The following DNAAF3 variants were observed in gnomAD, a reference collection of about 807,000 sequenced individuals.
The protein encoded by DNAAF3 is UPF0470 protein C19orf51.
Under a neutral mutation model 50.9 loss-of-function variants are expected in DNAAF3, and 40 were observed. The observed-to-expected ratio is 0.79, with a 90% CI of 0.61 to 1.02. The LOEUF (loss-of-function observed/expected upper bound fraction) is 1.02. Among genes scored for constraint, DNAAF3 ranks in the 50% least tolerant of loss-of-function variants. The pLI, the probability that DNAAF3 is intolerant of heterozygous loss-of-function variation, is 0.00. For missense variants in DNAAF3, 763 were observed against 744.7 expected (o/e 1.02, Z -0.29); for synonymous variants, 327 against 322.8 (o/e 1.01, Z -0.14).
Position 55,160,663 on chromosome 19 carries a change from C to A in DNAAF3, c.1025G>T (p.Gly342Val), listed in dbSNP as rs1212438723. ...GDLEEQQHAE[G>V]SPEPGTPAAP... is the part of the protein sequence containing the mutation. The stretch of plus-strand genomic sequence containing the variant: ...ACCTGGAGTCCCTGGCTCCGGGCTT[C>A]CCTCCGCGTGCTGCTGCTCCTCCAG... Residue 342 changes from glycine (G) to valine (V), a missense_variant, in exon 9 of 12, where the codon GGA becomes GTA. By Grantham distance (109) the Gly-to-Val change is moderately radical. Transcript: ENST00000524407. This position sits in a 1 kb window ranked among gnomAD's most constrained non-coding sequence, Gnocchi z 4.7. The A allele has an allele frequency of 6.2e-7, 1 of 1,613,914 alleles. No individual in the cohort carries two copies. The highest frequency in any genetic ancestry group is 1.1e-5 in the South Asian group (1 of 91,088).
Position 55,160,853 on chromosome 19 carries a change from C to T in DNAAF3, c.913-78G>A. ...GCTTAGAACGCTGGGAGTCCTCGGT[C>T]CAGGACTAGAACTCCCGCAGCTGCT... On this transcript the variant is annotated intron_variant, in intron 8 of 11. Coordinates refer to ENST00000524407, the MANE Select transcript of DNAAF3 (RefSeq NM_001256715.2). The surrounding 1 kb of genome is among the most constrained non-coding windows in gnomAD (Gnocchi z 4.7). The T allele has an allele frequency of 6.5e-7, 1 of 1,536,550 alleles. No homozygotes were observed. The highest frequency in any genetic ancestry group is 8.7e-7 in the Non-Finnish European group (1 of 1,151,180).
At chr19:55,162,631 G>T in intron 4 of DNAAF3, 1 of 1,000,602 alleles carries the variant, frequency 1.0e-6, no homozygotes, top group African/African-American at 1.7e-5. Context: ...AATTAGAGTT[G>T]CAGATTCCAC....
chr19:55,162,482 G>A, intron 4 of DNAAF3, 192 bp from the exon 5 acceptor site: 1 of 831,798 alleles, frequency 1.2e-6, no homozygotes, highest in East Asian at 3.6e-5. Flanking sequence ...AGTTACTCGG[G>A]AGGCTGAGGC....
rs201937522 is a variant in DNAAF3 at position 55,161,315 on chromosome 19, G to C, written c.767C>G (p.Ala256Gly). ...SAYHVPNRTL[A>G]SGRLLSYRGE... is the part of the protein sequence containing the mutation. ...CACGTAGCTCAGGAGGCGACCGGAC[G>C]CCAGGGTCCGGTTGGGCACATGATA... Residue 256 changes from alanine (A) to glycine (G), a missense_variant, in exon 7 of 12, where the codon GCG becomes GGG. Transcript: ENST00000524407. This position sits in a 1 kb window ranked among gnomAD's most constrained non-coding sequence, Gnocchi z 6.4. 2.6e-4 allele frequency: 417 copies of C among 1,610,624 alleles called. No homozygotes were observed. The highest frequency in any genetic ancestry group is 3.1e-4 in the Non-Finnish European group (368 of 1,178,440).
chr19:55,165,860 T>C lies in DNAAF3; in HGVS notation c.226A>G (p.Asn76Asp), dbSNP rs781229951. Reference sequence around the variant, plus strand: ...CTCTCATCTTCATCCCAGCTCACGTTGAACCTCCTGCGAGGCCAGAACTTC... The same window carrying C: ...CTCTCATCTTCATCCCAGCTCACGTCGAACCTCCTGCGAGGCCAGAACTTC... The part of the protein sequence containing the change: ...RAKFWPRRRF[N>D]FFVLENNLEA... Residue 76 changes from asparagine (N) to aspartate (D), a missense_variant and splice_region_variant, in exon 3 of 12, where the codon AAC (asparagine) becomes GAC (aspartate). Asn to Asp is a conservative substitution (Grantham distance 23). Coordinates refer to ENST00000524407, the MANE Select transcript of DNAAF3 (RefSeq NM_001256715.2). 1 of 1,613,960 alleles carries C rather than the reference T, an allele frequency of 6.2e-7. No homozygotes were observed. The highest frequency in any genetic ancestry group is 1.6e-4 in the Middle Eastern group (1 of 6,062).
At position 55,166,066 on chromosome 19, in the gene DNAAF3, A is replaced by T. The variant is rs770246037; in HGVS notation, c.86-66T>A. 13 of 1,612,858 alleles carry T rather than the reference A, an allele frequency of 8.1e-6. No individual in the cohort carries two copies. Among genetic ancestry groups the T allele is most frequent in the Non-Finnish European group, 1.1e-5 (13 of 1,179,582 alleles). On this transcript the variant is annotated intron_variant, in intron 2 of 11. Transcript: ENST00000524407. This position sits in a 1 kb window ranked among gnomAD's most constrained non-coding sequence, Gnocchi z 4.0. Reference sequence around the variant, plus strand: ...CAGAGCGTCCACCGTAGCATCCCCTATAAAAAATGGACTACAAATCCCAGT... The same window carrying T: ...CAGAGCGTCCACCGTAGCATCCCCTTTAAAAAATGGACTACAAATCCCAGT...
In DNAAF3 at chr19:55,161,401, G is replaced by A. The variant is rs764852012; in HGVS notation, c.681C>T (p.Pro227=). ...LHDRGAQVIH[P]QEFRRWRDTG... The stretch of plus-strand genomic sequence containing the variant: ...TGTCCCGCCAGCGTCGGAACTCCTG[G>A]GGGTGAATGACTTGAGCCTGGGGTG... Residue 227 remains proline, a synonymous_variant, in exon 7 of 12, where the codon CCC becomes CCT. Coordinates refer to ENST00000524407, the MANE Select transcript of DNAAF3 (RefSeq NM_001256715.2). The surrounding 1 kb of genome is among the most constrained non-coding windows in gnomAD (Gnocchi z 6.4). 2.8e-5 allele frequency: 36 copies of A among 1,295,812 alleles called. No individual in the cohort carries two copies. The African/African-American group carries it at 5.5e-4, about 20-fold the overall frequency. The allele number at this position is 1,295,812 out of a possible 1,614,324, so 80.3% of individuals were successfully genotyped here.
At chr19:55,163,470 C>G (rs1000249252) in intron 4 of DNAAF3, among the ~76,000 whole-genome samples, 2 of 151,426 alleles carry the variant, frequency 1.3e-5, no homozygotes, top group African/African-American at 4.8e-5. Context: ...TATTTTATTT[C>G]TTGTAGAGAC....
rs918004112 is a variant in DNAAF3, at chr19:55,165,235, G to A, written c.322+135C>T. 7 of 818,070 alleles carry A rather than the reference G, an allele frequency of 8.6e-6. No homozygotes were observed. In the African/African-American group the frequency reaches 1.0e-4, roughly 12 times the overall value. The allele number at this position is 818,070 out of a possible 1,614,324, so 50.7% of individuals were successfully genotyped here. On this transcript the variant is annotated intron_variant, in intron 4 of 11. Transcript: ENST00000524407. Reference sequence around the variant, plus strand: ...GTTGCCTAGGCTGGAGTGCAATGGCGCGATCTCGGCTCACTGTAACCTCCG... The same window carrying A: ...GTTGCCTAGGCTGGAGTGCAATGGCACGATCTCGGCTCACTGTAACCTCCG...
At position 55,166,272 on chromosome 19, in the gene DNAAF3, C is replaced by T. The variant is rs892144092; in HGVS notation, c.85+57G>A. ...GCTGGGACTACGAGCTCTAAAAGGCCGTCTGCTCAGGCTGGGAAGGCAGAC... is the reference window on the plus strand; with the variant it reads ...GCTGGGACTACGAGCTCTAAAAGGCTGTCTGCTCAGGCTGGGAAGGCAGAC... On this transcript the variant is annotated intron_variant, in intron 2 of 11. Coordinates refer to ENST00000524407, the MANE Select transcript of DNAAF3 (RefSeq NM_001256715.2). The surrounding 1 kb of genome is among the most constrained non-coding windows in gnomAD (Gnocchi z 4.0). The T allele has an allele frequency of 6.9e-6, 11 of 1,590,642 alleles. No individual in the cohort carries two copies. Among genetic ancestry groups the T allele is most frequent in the African/African-American group, 6.7e-5 (5 of 74,250 alleles).
In DNAAF3 at chr19:55,158,782, G is replaced by T; in HGVS notation, c.*280C>A. On this transcript the variant is annotated 3_prime_UTR_variant, in exon 12 of 12. Transcript: ENST00000524407. ...GGGAACAAGGGGGCCAAAGTCAAGG[G>T]CCTGAGACTCAGTGTCAGATCCTAG... The T allele has an allele frequency of 3.0e-6, 1 of 334,540 alleles. No individual in the cohort carries two copies. The highest frequency in any genetic ancestry group is 5.5e-6 in the Non-Finnish European group (1 of 183,438). 20.7% of individuals were successfully genotyped at this position (334,540 alleles called of 1,614,324 possible).
rs955531728 is a variant in DNAAF3 at position 55,166,187 on chromosome 19, G to A, written c.85+142C>T. On this transcript the variant is annotated intron_variant, in intron 2 of 11. Transcript: ENST00000524407. The surrounding 1 kb of genome is among the most constrained non-coding windows in gnomAD (Gnocchi z 4.0). ...CAGACAGGACCTCGGGGCTGCCCCT[G>A]GGAGCGCGCCCTCTGCCGCTGGAGC... 1.3e-6 allele frequency: 2 copies of A among 1,548,284 alleles called. No individual in the cohort carries two copies. Among genetic ancestry groups the A allele is most frequent in the African/African-American group, 1.4e-5 (1 of 73,006 alleles).
intron 4 of DNAAF3, among the ~76,000 whole-genome samples, chr19:55,164,555 G>T (rs1164961896): frequency 6.6e-6 from 1 of 151,408 alleles, no homozygotes; most frequent in Non-Finnish European, 1.5e-5. Flanking sequence ...TGGAGGTTTT[G>T]CTTTTGTCGC....
At position 55,159,056 on chromosome 19, in the gene DNAAF3, G is replaced by C; in HGVS notation, c.*6C>G. Reference sequence around the variant, plus strand: ...AGTTGGAGATAAGGGGTGTCTAGGGGTTGGGTCAGACTCCAGTTTTGGAGT... The same window carrying C: ...AGTTGGAGATAAGGGGTGTCTAGGGCTTGGGTCAGACTCCAGTTTTGGAGT... On this transcript the variant is annotated 3_prime_UTR_variant, in exon 12 of 12. Coordinates refer to ENST00000524407, the MANE Select transcript of DNAAF3 (RefSeq NM_001256715.2). 1 of 1,576,090 alleles carries C rather than the reference G, an allele frequency of 6.3e-7. No individual in the cohort carries two copies. The highest frequency in any genetic ancestry group is 8.6e-7 in the Non-Finnish European group (1 of 1,160,404).
At position 55,166,167 on chromosome 19, in the gene DNAAF3, A is replaced by T; in HGVS notation, c.85+162T>A. On this transcript the variant is annotated intron_variant, in intron 2 of 11. Coordinates refer to ENST00000524407, the MANE Select transcript of DNAAF3 (RefSeq NM_001256715.2). This position sits in a 1 kb window ranked among gnomAD's most constrained non-coding sequence, Gnocchi z 4.0. ...ATTCTGGGATTCGCAGTCCGCAGAC[A>T]GGACCTCGGGGCTGCCCCTGGGAGC... 6.4e-7 allele frequency: 1 copy of T among 1,550,686 alleles called. No homozygotes were observed. Among genetic ancestry groups the T allele is most frequent in the African/African-American group, 1.4e-5 (1 of 73,214 alleles).
intron 10 of DNAAF3, 92 bp from the exon 11 acceptor site, chr19:55,159,699 T>A (rs753573600): frequency 8.2e-6 from 13 of 1,582,290 alleles, no homozygotes; most frequent in South Asian, 8.1e-5. Flanking sequence ...GGAGGAGGGG[T>A]GGCAAAACTG....
chr19:55,163,119 T>C (rs1261515358), intron 4 of DNAAF3, among the ~76,000 whole-genome samples: 18 of 147,508 alleles, frequency 1.2e-4, no homozygotes, highest in Non-Finnish European at 2.5e-4. Flanking sequence ...ACGCCATTCT[T>C]CTGCCTCAGC....
chr19:55,159,647 A>C, intron 10 of DNAAF3, 40 bp from the exon 11 acceptor site: 1 of 1,611,702 alleles, frequency 6.2e-7, no homozygotes, highest in Non-Finnish European at 8.5e-7. Context: ...TTCAGCTCCA[A>C]ATCCGGAGGG....
rs114393069 is a variant in DNAAF3, at chr19:55,166,518, C to T, written c.-5+5G>A. The T allele has an allele frequency of 1.9e-6, 3 of 1,613,982 alleles. No homozygotes were observed. The highest frequency in any genetic ancestry group is 2.5e-6 in the Non-Finnish European group (3 of 1,180,010). On this transcript the variant is annotated splice_donor_5th_base_variant and intron_variant, in intron 1 of 11. Transcript: ENST00000524407. This position sits in a 1 kb window ranked among gnomAD's most constrained non-coding sequence, Gnocchi z 4.0. Reference sequence around the variant, plus strand: ...CTTTGCCTCCACATGATACCTTGCCCACACCTTTATCCTCCAAATATCCCG... The same window carrying T: ...CTTTGCCTCCACATGATACCTTGCCTACACCTTTATCCTCCAAATATCCCG...
Sources: gnomAD v4.1 joint callset for allele counts (sites outside exome capture counted in the v4.1 genomes callset) on GRCh38, gnomAD v4.1.1 for gene constraint, Gnocchi (gnomAD v3.1) non-coding constraint, MANE v1.5 for transcripts, NCBI Gene and HGNC (gene_info 2026-07-23, HGNC 2026-07-21) for gene names.